ITGAV: variants seen among roughly 807,000 people sequenced by gnomAD.
ITGAV encodes the protein integrin alpha-V.
In ITGAV, 76 loss-of-function variants were observed where a neutral mutation model predicts 143.8. The ratio of observed to expected loss-of-function variants is 0.53; its 90% CI spans 0.44 to 0.64. ITGAV has a LOEUF of 0.64. ITGAV is among the 30% of genes least tolerant of loss of function. The pLI is 0.00. For missense variants in ITGAV, 1,193 were observed against 1,274.7 expected (o/e 0.94, Z 0.98); for synonymous variants, 453 against 446.7 (o/e 1.01, Z -0.18).
At position 186,663,818 on chromosome 2, in the gene ITGAV, G is replaced by T; in HGVS notation, c.1908G>T (p.Leu636=). 1 of 1,611,504 alleles carries T rather than the reference G, an allele frequency of 6.2e-7. No individual in the cohort carries two copies. Among genetic ancestry groups the T allele is most frequent in the Non-Finnish European group, 8.5e-7 (1 of 1,178,100 alleles). Residue 636 remains leucine (L), a synonymous_variant, in exon 19 of 30, where the codon CTG becomes CTT. Transcript: ENST00000261023. Reference sequence around the variant, plus strand: ...AAGACAATGTCTGTAAACCCAAGCTGGAAGTTTCTGTAGATAGGTAAGTTT... The same window carrying T: ...AAGACAATGTCTGTAAACCCAAGCTTGAAGTTTCTGTAGATAGGTAAGTTT... The part of the protein sequence containing the change: ...CGEDNVCKPK[L]EVSVDSDQKK...
intron 11 of ITGAV, 180 bp from the exon 12 acceptor site, chr2:186,641,206 G>A (rs1688093587): frequency 1.6e-6 from 1 of 620,916 alleles, no homozygotes; most frequent in African/African-American, 1.8e-5. Context: ...ATTATTCATA[G>A]TTTCTTAAAA....
intron 1 of ITGAV, among the ~76,000 whole-genome samples, chr2:186,591,303 G>T (rs1489596895): frequency 1.3e-5 from 2 of 152,140 alleles, no homozygotes; most frequent in South Asian, 2.1e-4. Flanking sequence ...TGCAAGGGCC[G>T]TCAGGATTTA....
At chr2:186,660,110 A>G (rs1688703713) in intron 18 of ITGAV, among the ~76,000 whole-genome samples, 1 of 152,060 alleles carries the variant, frequency 6.6e-6, no homozygotes, top group South Asian at 2.1e-4. Context: ...GTCACTTTAT[A>G]TTATGTGCTT....
chr2:186,626,175 G>T (rs1015904147), intron 4 of ITGAV, among the ~76,000 whole-genome samples: 8 of 152,258 alleles, frequency 5.3e-5, no homozygotes, highest in Middle Eastern at 3.4e-3. Context: ...CTGCTACCAA[G>T]CCCACCCCTT....
At chr2:186,595,372 C>T (rs1410328237) in intron 1 of ITGAV, among the ~76,000 whole-genome samples, 1 of 152,196 alleles carries the variant, frequency 6.6e-6, no homozygotes, top group Non-Finnish European at 1.5e-5. Flanking sequence ...CGTGAATCAA[C>T]TGCCCTTCAA....
chr2:186,669,604 C>T (rs901527740), intron 25 of ITGAV, 97 bp from the exon 26 acceptor site: 15 of 785,998 alleles, frequency 1.9e-5, no homozygotes, highest in Non-Finnish European at 2.9e-5. Context: ...TTTTCATTCA[C>T]TATTTTTTAA....
rs1041814771 is a variant in ITGAV, at chr2:186,672,336, G to A, written c.2706+2522G>A. ...CTATTTATCAGTTGATCAACATTTCGATTATTTCTACTTTTTGTCTGTTTT... is the reference window on the plus strand; with the variant it reads ...CTATTTATCAGTTGATCAACATTTCAATTATTTCTACTTTTTGTCTGTTTT... On this transcript the variant is annotated intron_variant, in intron 26 of 29. Transcript: ENST00000261023. Among the ~76,000 whole-genome samples the A allele has an allele frequency of 5.9e-5, 9 of 152,176 alleles. 1 individual carries two copies. The highest frequency in any genetic ancestry group is 7.2e-5 in the African/African-American group (3 of 41,508).
intron 12 of ITGAV, 70 bp from the exon 13 acceptor site, chr2:186,646,613 CTCA>C: frequency 8.6e-7 from 1 of 1,161,216 alleles, no homozygotes; most frequent in East Asian, 2.4e-5. Context: ...TCGTTCCTTC[CTCA>C]TTCTTCCCTT....
Position 186,590,311 on chromosome 2 carries a change from G to C in ITGAV, c.-28G>C, listed in dbSNP as rs577210581. ...GCGGGGGGAGGTGGCTACCGCTCCC[G>C]GCTTGGCGTCCCGCGCGCACTTCGG... is the stretch of plus-strand genomic sequence containing the variant. On this transcript the variant is annotated 5_prime_UTR_variant, in exon 1 of 30. Coordinates refer to ENST00000261023, the MANE Select transcript of ITGAV (RefSeq NM_002210.5). 93 of 1,539,914 alleles carry C rather than the reference G, an allele frequency of 6.0e-5. 1 individual carries two copies. In the Middle Eastern group the frequency reaches 1.2e-3, roughly 19 times the overall value.
At chr2:186,622,236 A>T in intron 2 of ITGAV, 103 bp from the exon 3 acceptor site, 2 of 742,374 alleles carry the variant, frequency 2.7e-6, no homozygotes. Flanking sequence ...ATATTTGATT[A>T]ATCAAAGGTG....
chr2:186,659,173 C>A lies in ITGAV; in HGVS notation c.1855C>A (p.Gln619Lys). The A allele has an allele frequency of 6.2e-7, 1 of 1,602,836 alleles. No homozygotes were observed. Among genetic ancestry groups the A allele is most frequent in the South Asian group, 1.1e-5 (1 of 88,902 alleles). The change falls in exon 18 of 30, where the codon CAG (glutamine) becomes AAG (lysine). Residue 619 changes from glutamine to lysine, a missense_variant and splice_region_variant. Physicochemically the swap from Gln to Lys is moderately conservative, Grantham distance 53. Transcript: ENST00000261023. ...NQFTPANISR[Q>K]AHILLDCGED... ...GTTCACGCCTGCTAACATTAGTCGACAGGTACTGTACTCAGTTTACCACTA... is the reference window on the plus strand; with the variant it reads ...GTTCACGCCTGCTAACATTAGTCGAAAGGTACTGTACTCAGTTTACCACTA...
At chr2:186,594,075 A>C (rs745681068) in intron 1 of ITGAV, among the ~76,000 whole-genome samples, 1 of 152,194 alleles carries the variant, frequency 6.6e-6, no homozygotes, top group Non-Finnish European at 1.5e-5. Flanking sequence ...AGGTCCTTCA[A>C]TGGTTCTCAG....
intron 6 of ITGAV, among the ~76,000 whole-genome samples, chr2:186,634,718 A>G (rs908169426): frequency 1.3e-5 from 2 of 152,224 alleles, no homozygotes; most frequent in Non-Finnish European, 2.9e-5. Flanking sequence ...ATTTAGAAAA[A>G]TTATAATTGA....
intron 8 of ITGAV, 55 bp from the exon 9 acceptor site, chr2:186,638,222 G>A: frequency 2.6e-6 from 4 of 1,513,198 alleles, no homozygotes; most frequent in Non-Finnish European, 3.7e-6. Context: ...CTTCTGGTCT[G>A]CAACTTCCAG....
At chr2:186,676,319 A>T (rs1019790221) in intron 28 of ITGAV, 6 of 168,016 alleles carry the variant, frequency 3.6e-5, no homozygotes, top group Non-Finnish European at 7.6e-5. Flanking sequence ...AATCATTTCA[A>T]GCTGGGTGTG....
At chr2:186,614,142 C>T (rs921202314) in intron 2 of ITGAV, among the ~76,000 whole-genome samples, 5 of 152,064 alleles carry the variant, frequency 3.3e-5, no homozygotes, top group African/African-American at 1.2e-4. Context: ...TTTATCCACA[C>T]TACTTTTTAA....
chr2:186,667,278 T>G (rs1303913201), intron 23 of ITGAV, 48 bp downstream of exon 23: 1 of 1,413,756 alleles, frequency 7.1e-7, no homozygotes, highest in African/African-American at 1.4e-5. Context: ...GATTGCTTTT[T>G]AAAGGTAACT....
At chr2:186,599,382 A>G (rs998672032) in intron 1 of ITGAV, among the ~76,000 whole-genome samples, 1 of 152,308 alleles carries the variant, frequency 6.6e-6, no homozygotes, top group East Asian at 1.9e-4. Flanking sequence ...GTGTTCTGAT[A>G]CAGCATACTG....
At chr2:186,622,265 C>A in intron 2 of ITGAV, 74 bp from the exon 3 acceptor site, 2 of 1,008,558 alleles carry the variant, frequency 2.0e-6, no homozygotes, top group South Asian at 1.4e-5. Flanking sequence ...CTCAACCTAG[C>A]TGGGGATAAA....
Sources: allele counts gnomAD v4.1 joint callset (sites outside exome capture counted in the v4.1 genomes callset), GRCh38; gene constraint gnomAD v4.1.1; transcripts MANE v1.5; gene names NCBI Gene and HGNC (gene_info 2026-07-23, HGNC 2026-07-21).